The following RUNX1T1 variants were observed in gnomAD, a reference collection of about 807,000 sequenced individuals.
The protein encoded by RUNX1T1 is RUNX1 partner transcriptional co-repressor 1.
In RUNX1T1, 4 loss-of-function variants were observed where a neutral mutation model predicts 62.8. The observed-to-expected ratio is 0.06, with a 90% CI of 0.03 to 0.15. The LOEUF (loss-of-function observed/expected upper bound fraction) is 0.15, where lower values mean the gene tolerates loss of function less well. Ranked by LOEUF, RUNX1T1 falls within the 10% of genes least tolerant of loss-of-function variation. The pLI is 1.00. For synonymous variants in RUNX1T1, 291 were observed against 286.0 expected, an observed-to-expected ratio of 1.02 and a Z score of -0.18; for missense variants, 508 against 754.3, an observed-to-expected ratio of 0.67 and a Z score of 3.82.
chr8:91,987,145 AT>A (rs1339970887), intron 6 of RUNX1T1, among the ~76,000 whole-genome samples, 173 bp from the exon 8 acceptor site: 4 of 152,214 alleles, frequency 2.6e-5, no homozygotes, highest in African/African-American at 9.7e-5. Context: ...TCCTCATAGA[AT>A]GATAAAATAC....
chr8:92,007,967 C>CAAAAAAAAA (rs34232877), intron 4 of RUNX1T1, among the ~76,000 whole-genome samples: 1 of 85,332 alleles, frequency 1.2e-5, no homozygotes, highest in Non-Finnish European at 2.5e-5. Flanking sequence ...GACTTTGTTT[C>CAAAAAAAAA]AAAAAAAAAA....
chr8:92,054,054 G>T (rs748890025), intron 1 of RUNX1T1, among the ~76,000 whole-genome samples: 6 of 150,858 alleles, frequency 4.0e-5, no homozygotes, highest in Non-Finnish European at 7.4e-5. Context: ...GTGGGGTGGG[G>T]AAGAAGTGGG....
At chr8:92,072,488 CTTCT>C (rs151105106) in intron 2 of RUNX1T1, among the ~76,000 whole-genome samples, 2,893 of 152,268 alleles carry the variant, frequency 0.019, 77 homozygotes, top group African/African-American at 0.066. Context: ...ATGATATACT[CTTCT>C]TTCATCTCAA....
chr8:91,974,346 T>C (rs573087577), intron 9 of RUNX1T1, among the ~76,000 whole-genome samples: 9 of 152,288 alleles, frequency 5.9e-5, no homozygotes, highest in South Asian at 4.1e-4. Flanking sequence ...TCTCACTTAA[T>C]AGCAGTCAAA....
chr8:92,098,645 T>C (rs773087287), intron 1 of RUNX1T1, among the ~76,000 whole-genome samples: 25 of 152,210 alleles, frequency 1.6e-4, no homozygotes, highest in South Asian at 4.1e-4. Context: ...AGCAGCTACA[T>C]AGCGATTTAT....
chr8:92,080,775 T>C (rs1432394182), intron 1 of RUNX1T1, among the ~76,000 whole-genome samples: 1 of 152,230 alleles, frequency 6.6e-6, no homozygotes, highest in East Asian at 1.9e-4. Flanking sequence ...AAACAGGGAA[T>C]AACTGATAAT....
chr8:92,034,694 A>AC (rs1826930158), intron 1 of RUNX1T1, among the ~76,000 whole-genome samples: 1 of 151,072 alleles, frequency 6.6e-6, no homozygotes, highest in African/African-American at 2.4e-5. Context: ...GTGTGTGTAT[A>AC]CATGTATACA....
At chr8:92,054,253 GCA>G (rs1331527431) in intron 1 of RUNX1T1, among the ~76,000 whole-genome samples, 2 of 152,064 alleles carry the variant, frequency 1.3e-5, no homozygotes, top group African/African-American at 4.8e-5. Flanking sequence ...TAAAAGGGTG[GCA>G]CACTGATAGA....
intron 1 of RUNX1T1, among the ~76,000 whole-genome samples, chr8:92,076,666 A>C (rs1346717549): frequency 6.6e-6 from 1 of 152,126 alleles, no homozygotes; most frequent in Non-Finnish European, 1.5e-5. Context: ...GTGAAGAATA[A>C]TCCTTATGTA....
intron 1 of RUNX1T1, among the ~76,000 whole-genome samples, chr8:92,018,123 G>T (rs1823373178): frequency 6.6e-6 from 1 of 152,080 alleles, no homozygotes; most frequent in African/African-American, 2.4e-5. Flanking sequence ...ATGAGTATGT[G>T]GCAGATATGA....
exon 6 of RUNX1T1, chr8:91,991,862 C>T (rs1404285326): frequency 1.2e-6 from 2 of 1,614,132 alleles, no homozygotes; most frequent in East Asian, 2.2e-5. Context: ...AGTGCAAAGG[C>T]TCTCTGTCAA....
At chr8:91,987,864 G>T (rs1049896962) in intron 6 of RUNX1T1, among the ~76,000 whole-genome samples, 1 of 152,112 alleles carries the variant, frequency 6.6e-6, no homozygotes, top group Admixed American at 6.5e-5. Flanking sequence ...CCCCTGGGCT[G>T]TGGCATTATT....
intron 10 of RUNX1T1, among the ~76,000 whole-genome samples, chr8:91,967,618 G>T (rs1334182300): frequency 1.3e-5 from 2 of 152,182 alleles, no homozygotes; most frequent in Non-Finnish European, 2.9e-5. Flanking sequence ...ATTACAGAGA[G>T]AAGAATTCAG....
At chr8:92,009,810 C>T (rs897855977) in intron 4 of RUNX1T1, 2 of 152,064 alleles carry the variant, frequency 1.3e-5, no homozygotes, top group Non-Finnish European at 2.9e-5. Context: ...AACACTAACA[C>T]ATTATACCTT....
chr8:92,008,364 C>T (rs1230841024), intron 4 of RUNX1T1, among the ~76,000 whole-genome samples: 1 of 124,920 alleles, frequency 8.0e-6, no homozygotes, highest in Non-Finnish European at 1.7e-5. Flanking sequence ...TTGGGTGCCA[C>T]ATATCTCTCT....
intron 1 of RUNX1T1, among the ~76,000 whole-genome samples, chr8:92,096,824 T>C (rs185467099): frequency 1.4e-4 from 22 of 151,968 alleles, no homozygotes; most frequent in African/African-American, 3.4e-4. Context: ...AAAAAAACAA[T>C]AGCAAGAGAA....
intron 2 of RUNX1T1, among the ~76,000 whole-genome samples, chr8:92,016,274 T>C (rs1822974856): frequency 1.3e-5 from 2 of 152,184 alleles, no homozygotes; most frequent in Admixed American, 6.5e-5. Context: ...GAATTCTCTA[T>C]CCTTTCCTTT....
chr8:92,058,703 A>G (rs1051717077), intron 1 of RUNX1T1, among the ~76,000 whole-genome samples: 2 of 152,202 alleles, frequency 1.3e-5, no homozygotes, highest in Admixed American at 6.5e-5. Flanking sequence ...TAAAATATAT[A>G]TATCTGTTCC....
Position 91,993,271 on chromosome 8 carries a change from G to A in RUNX1T1, c.660-1382C>T, listed in dbSNP as rs531589189. Among the ~76,000 whole-genome samples, 3 of 152,184 alleles carry A rather than the reference G, an allele frequency of 2.0e-5. No individual in the cohort carries two copies. In the South Asian group the frequency reaches 6.2e-4, roughly 32 times the overall value. On this transcript the variant is annotated intron_variant, in intron 5 of 10. Coordinates refer to ENST00000396218, the Ensembl canonical transcript of RUNX1T1. ...CTGAATCAACAACAGAGATAATCAG[G>A]GGCAACAGGATTCTACAATGAACCA...
Sources: gnomAD v4.1 joint callset for allele counts (sites outside exome capture counted in the v4.1 genomes callset) on GRCh38, gnomAD v4.1.1 for gene constraint, MANE v1.5 for transcripts, NCBI Gene and HGNC (gene_info 2026-07-23, HGNC 2026-07-21) for gene names.